ADAMTSL3: variants seen among roughly 807,000 people sequenced by gnomAD.
The protein encoded by ADAMTSL3 is ADAMTS like 3.
Under a neutral mutation model 201.7 loss-of-function variants are expected in ADAMTSL3, and 128 were observed. The observed-to-expected ratio is 0.63, with a 90% CI of 0.55 to 0.73. The LOEUF is 0.73. Ranked by LOEUF, ADAMTSL3 falls within the 30% of genes least tolerant of loss-of-function variation. ADAMTSL3 has a pLI of 0.00. For synonymous variants in ADAMTSL3, 738 were observed against 748.4 expected (o/e 0.99, Z 0.23); for missense variants, 1,990 against 2,119.6 (o/e 0.94, Z 1.20).
intron 2 of ADAMTSL3, among the ~76,000 whole-genome samples, chr15:83,701,461 C>T (rs758179806): frequency 5.3e-5 from 8 of 152,216 alleles, no homozygotes; most frequent in Non-Finnish European, 1.0e-4. Flanking sequence ...TCCAGTGATT[C>T]AGATGCCAGG....
intron 2 of ADAMTSL3, among the ~76,000 whole-genome samples, chr15:83,668,470 C>G (rs2061280174): frequency 6.6e-6 from 1 of 151,546 alleles, no homozygotes; most frequent in South Asian, 2.1e-4. Context: ...ATGATATAAA[C>G]AATTTTTATG....
At chr15:83,688,494 A>G (rs970334254) in intron 2 of ADAMTSL3, among the ~76,000 whole-genome samples, 1 of 151,808 alleles carries the variant, frequency 6.6e-6, no homozygotes, top group Non-Finnish European at 1.5e-5. Flanking sequence ...ATAATGGGAA[A>G]ACAATCTGAT....
chr15:83,673,066 T>G (rs2061348930), intron 2 of ADAMTSL3, among the ~76,000 whole-genome samples: 1 of 152,224 alleles, frequency 6.6e-6, no homozygotes, highest in Admixed American at 6.5e-5. Flanking sequence ...GAAAGCATTT[T>G]GGTGCATGGA....
chr15:83,934,495 G>A (rs1283016669), intron 17 of ADAMTSL3, among the ~76,000 whole-genome samples: 1 of 152,164 alleles, frequency 6.6e-6, no homozygotes, highest in Non-Finnish European at 1.5e-5. Flanking sequence ...TGAGACTTTG[G>A]ACTTGGACTT....
chr15:83,985,261 G>A (rs548513740), intron 21 of ADAMTSL3, among the ~76,000 whole-genome samples: 85 of 152,122 alleles, frequency 5.6e-4, no homozygotes, highest in African/African-American at 2.0e-3. Flanking sequence ...GTTTTGGGAA[G>A]CTGTCAGACT....
chr15:83,654,553 A>C lies in ADAMTSL3; in HGVS notation c.-34+277A>C, dbSNP rs1189165423. ...TGAGGGGCGTTCTTGATTATGGGGG[A>C]ACTCCACAGGGTTGGAGTTTTTCAG... is the stretch of plus-strand genomic sequence containing the variant. On this transcript the variant is annotated intron_variant, in intron 1 of 29. Transcript: ENST00000286744. The surrounding 1 kb of genome is among the most constrained non-coding windows in gnomAD (Gnocchi z 5.3). Among the ~76,000 whole-genome samples the C allele has an allele frequency of 1.3e-5, 2 of 151,582 alleles. No homozygotes were observed. Among genetic ancestry groups the C allele is most frequent in the Non-Finnish European group, 2.9e-5 (2 of 67,930 alleles).
Position 83,654,458 on chromosome 15 carries a change from C to T in ADAMTSL3, c.-34+182C>T, listed in dbSNP as rs1251605321. On this transcript the variant is annotated intron_variant, in intron 1 of 29. Transcript: ENST00000286744. This position sits in a 1 kb window ranked among gnomAD's most constrained non-coding sequence, Gnocchi z 5.3. Reference sequence around the variant, plus strand: ...CTGGGGTGCTCCTCACTGCTGGGCACCTCGGGTCGGGCGCGCTTCGTGCCG... The same window carrying T: ...CTGGGGTGCTCCTCACTGCTGGGCATCTCGGGTCGGGCGCGCTTCGTGCCG... Among the ~76,000 whole-genome samples, 2 of 152,148 alleles carry T rather than the reference C, an allele frequency of 1.3e-5. No homozygotes were observed. The highest frequency in any genetic ancestry group is 3.9e-4 in the East Asian group (2 of 5,088).
chr15:83,757,803 A>G (rs1268999280), intron 3 of ADAMTSL3, among the ~76,000 whole-genome samples: 1 of 152,112 alleles, frequency 6.6e-6, no homozygotes, highest in Non-Finnish European at 1.5e-5. Context: ...CTGCTTAGAA[A>G]TTTCTTCCAC....
In ADAMTSL3 at chr15:84,022,479, A is replaced by G. The variant is rs79378622; in HGVS notation, c.4457+886A>G. Reference sequence around the variant, plus strand: ...CACCTGGGAGGTTCTCAGTAAATATATCTACTTTTAAAAAATTATTTTTAA... The same window carrying G: ...CACCTGGGAGGTTCTCAGTAAATATGTCTACTTTTAAAAAATTATTTTTAA... On this transcript the variant is annotated intron_variant, in intron 26 of 29. Coordinates refer to ENST00000286744, the MANE Select transcript of ADAMTSL3 (RefSeq NM_207517.3). Among the ~76,000 whole-genome samples the G allele has an allele frequency of 4.8e-3, 731 of 152,326 alleles. 3 individuals carry two copies. The highest frequency in any genetic ancestry group is 0.017 in the African/African-American group (692 of 41,572).
intron 17 of ADAMTSL3, among the ~76,000 whole-genome samples, chr15:83,941,969 G>A (rs1200256807): frequency 6.6e-6 from 1 of 152,182 alleles, no homozygotes; most frequent in African/African-American, 2.4e-5. Context: ...GCAACTAGGT[G>A]CTCTCAAATG....
Position 83,801,651 on chromosome 15 carries a change from A to T in ADAMTSL3, c.318-2999A>T, listed in dbSNP as rs77646063. Among the ~76,000 whole-genome samples the T allele has an allele frequency of 9.2e-3, 285 of 31,118 alleles. 4 individuals carry two copies. The highest frequency in any genetic ancestry group is 0.016 in the Non-Finnish European group (234 of 14,862). The allele number at this position is 31,118 out of a possible 152,430, so 20.4% of individuals were successfully genotyped here. A position where few individuals can be genotyped will look rare whatever the true frequency, so the allele number is the denominator to read the frequency against. ...TTATATATATAAATATATAAATATA[A>T]ATATATATATATATATATATATATA... On this transcript the variant is annotated intron_variant, in intron 4 of 29. Coordinates refer to ENST00000286744, the MANE Select transcript of ADAMTSL3 (RefSeq NM_207517.3).
intron 4 of ADAMTSL3, among the ~76,000 whole-genome samples, chr15:83,793,728 C>T (rs1173142776): frequency 6.6e-6 from 1 of 152,098 alleles, no homozygotes; most frequent in Non-Finnish European, 1.5e-5. Context: ...CTGCCTGCCT[C>T]AGCCTCCCAA....
At chr15:83,773,786 T>A in intron 4 of ADAMTSL3, 136 bp downstream of exon 4, 1 of 1,243,232 alleles carries the variant, frequency 8.0e-7, no homozygotes, top group Non-Finnish European at 1.1e-6. Context: ...TAAATATTAG[T>A]CAACCTAGGT....
intron 6 of ADAMTSL3, among the ~76,000 whole-genome samples, chr15:83,828,716 A>G (rs189247065): frequency 7.9e-5 from 12 of 152,050 alleles, no homozygotes; most frequent in African/African-American, 2.9e-4. Flanking sequence ...TACCTAATTT[A>G]TTGAGAGTTT....
At chr15:83,923,380 G>A (rs556480255) in intron 16 of ADAMTSL3, among the ~76,000 whole-genome samples, 5 of 152,154 alleles carry the variant, frequency 3.3e-5, no homozygotes, top group African/African-American at 4.8e-5. Flanking sequence ...CAATAGAAAC[G>A]TTACAAATTA....
At chr15:83,949,524 C>T (rs577214860) in intron 19 of ADAMTSL3, among the ~76,000 whole-genome samples, 58 of 152,066 alleles carry the variant, frequency 3.8e-4, no homozygotes, top group African/African-American at 1.4e-3. Flanking sequence ...TGGTATATAC[C>T]TAGGAGTGAG....
intron 3 of ADAMTSL3, among the ~76,000 whole-genome samples, chr15:83,770,748 C>T (rs1349710923): frequency 6.6e-6 from 1 of 151,964 alleles, no homozygotes; most frequent in Admixed American, 6.6e-5. Flanking sequence ...TTGGTATATT[C>T]TATGAAGAAG....
intron 20 of ADAMTSL3, among the ~76,000 whole-genome samples, chr15:83,975,526 C>T (rs140141601): frequency 1.4e-4 from 22 of 152,234 alleles, no homozygotes; most frequent in Non-Finnish European, 3.1e-4. Context: ...GGTCCCAGGA[C>T]GTACGTGTTA....
At chr15:83,976,517 A>C (rs2067291389) in intron 20 of ADAMTSL3, among the ~76,000 whole-genome samples, 1 of 151,584 alleles carries the variant, frequency 6.6e-6, no homozygotes, top group East Asian at 1.9e-4. Flanking sequence ...TAGTTATATA[A>C]CTCACCATGA....
Sources: allele counts gnomAD v4.1 joint callset (sites outside exome capture counted in the v4.1 genomes callset), GRCh38; gene constraint gnomAD v4.1.1; non-coding constraint Gnocchi (gnomAD v3.1); transcripts MANE v1.5; gene names NCBI Gene and HGNC (gene_info 2026-07-23, HGNC 2026-07-21).